Variants in UMODL1 observed in about 807,000 individuals in gnomAD.
The protein encoded by UMODL1 is uromodulin like 1.
In UMODL1, 128 loss-of-function variants were observed where a neutral mutation model predicts 136.3. The ratio of observed to expected loss-of-function variants is 0.94; its 90% CI spans 0.81 to 1.09. UMODL1 has a LOEUF of 1.09. UMODL1 is among the 50% of genes least tolerant of loss of function. The pLI is 0.00. For missense variants in UMODL1, 1,766 were observed against 1,725.6 expected, an observed-to-expected ratio of 1.02 and a Z score of -0.41; for synonymous variants, 721 against 720.0, an observed-to-expected ratio of 1.00 and a Z score of -0.02.
intron 5 of UMODL1, among the ~76,000 whole-genome samples, chr21:42,089,140 G>A: frequency 6.6e-6 from 1 of 152,136 alleles, no homozygotes; most frequent in East Asian, 1.9e-4. Context: ...TGCTGTTGTA[G>A]TAGTCACAGA....
chr21:42,079,746 C>T (rs1197527667), intron 2 of UMODL1, among the ~76,000 whole-genome samples: 1 of 152,192 alleles, frequency 6.6e-6, no homozygotes, highest in Non-Finnish European at 1.5e-5. Flanking sequence ...TAGGGGAGGC[C>T]CGCGCCTCCA....
Position 42,090,431 on chromosome 21 carries a change from G to A in UMODL1, c.924G>A (p.Glu308=). ...CGTCTCCACGGAAGCTGAACCTGGAGTGGGAAGGTAATGGCTAGGCTCTCT... is the reference window on the plus strand; with the variant it reads ...CGTCTCCACGGAAGCTGAACCTGGAATGGGAAGGTAATGGCTAGGCTCTCT... ...PATSPRKLNL[E]WEDCPPVSDY... Residue 308 remains glutamate (E), a synonymous_variant, in exon 6 of 23, where the codon GAG becomes GAA. Coordinates refer to ENST00000408910, the MANE Select transcript of UMODL1 (RefSeq NM_001004416.3). 1.9e-6 allele frequency: 3 copies of A among 1,613,964 alleles called. No homozygotes were observed. Among genetic ancestry groups the A allele is most frequent in the Non-Finnish European group, 2.5e-6 (3 of 1,179,946 alleles).
Position 42,121,744 on chromosome 21 carries a change from C to T in UMODL1, c.2827+520C>T, listed in dbSNP as rs140708239. Among the ~76,000 whole-genome samples the T allele has an allele frequency of 2.6e-3, 395 of 152,176 alleles. 1 individual carries two copies. The highest frequency in any genetic ancestry group is 9.0e-3 in the African/African-American group (372 of 41,516). ...CATTTATACCAGTGAGTGTGGTATC[C>T]GGGGGGCTATAGAACGTGTCCTGCT... is the stretch of plus-strand genomic sequence containing the variant. On this transcript the variant is annotated intron_variant, in intron 16 of 22. Coordinates refer to ENST00000408910, the MANE Select transcript of UMODL1 (RefSeq NM_001004416.3).
upstream of UMODL1, among the ~76,000 whole-genome samples, chr21:42,070,022 T>G (rs1239518230): frequency 6.6e-6 from 1 of 152,228 alleles, no homozygotes; most frequent in Non-Finnish European, 1.5e-5. Context: ...TGAGATCATT[T>G]CCAGCCTCCT....
At chr21:42,141,008 C>A (rs2067274973) in intron 22 of UMODL1, among the ~76,000 whole-genome samples, 1 of 152,238 alleles carries the variant, frequency 6.6e-6, no homozygotes, top group South Asian at 2.1e-4. Context: ...CCCGCCCCCT[C>A]TTCGTCAGGC....
At chr21:42,112,711 C>T (rs188009777) in intron 12 of UMODL1, among the ~76,000 whole-genome samples, 1 of 152,224 alleles carries the variant, frequency 6.6e-6, no homozygotes, top group Non-Finnish European at 1.5e-5. Flanking sequence ...TGTAGTTCCC[C>T]AGCTGTTCTT....
At chr21:42,083,269 C>A (rs1010805466) in intron 2 of UMODL1, among the ~76,000 whole-genome samples, 7 of 152,346 alleles carry the variant, frequency 4.6e-5, no homozygotes, top group African/African-American at 1.7e-4. Context: ...GTTCTTCCCG[C>A]AGCTTTCCCC....
intron 22 of UMODL1, among the ~76,000 whole-genome samples, 169 bp downstream of exon 22, chr21:42,137,810 G>A (rs1348704702): frequency 6.6e-6 from 1 of 151,492 alleles, no homozygotes; most frequent in Non-Finnish European, 1.5e-5. Flanking sequence ...AAGAAGGTGG[G>A]TGCGGAGTGG....
Position 42,137,758 on chromosome 21 carries a change from C to T in UMODL1, c.*21+117C>T, listed in dbSNP as rs145935406. 1.8e-3 allele frequency: 2,035 copies of T among 1,134,938 alleles called. 8 individuals are homozygous for T. The highest frequency in any genetic ancestry group is 1.9e-3 in the Non-Finnish European group (1,489 of 804,410). 70.3% of individuals were successfully genotyped at this position (1,134,938 alleles called of 1,614,324 possible). ...GAGTGGGGTGGGAGGTGTAGGCTGACAGGAAGGTGGGTGTGGAGTGGGGTA... is the reference window on the plus strand; with the variant it reads ...GAGTGGGGTGGGAGGTGTAGGCTGATAGGAAGGTGGGTGTGGAGTGGGGTA... On this transcript the variant is annotated intron_variant, in intron 22 of 22. Coordinates refer to ENST00000408910, the MANE Select transcript of UMODL1 (RefSeq NM_001004416.3).
intron 13 of UMODL1, among the ~76,000 whole-genome samples, chr21:42,114,512 G>T (rs1377024955): frequency 6.6e-6 from 1 of 151,954 alleles, no homozygotes; most frequent in Admixed American, 6.5e-5. Flanking sequence ...TGGTCTGCAC[G>T]GTGGGGCGCA....
chr21:42,082,195 G>A (rs1009285732), intron 2 of UMODL1, among the ~76,000 whole-genome samples: 2 of 152,194 alleles, frequency 1.3e-5, no homozygotes, highest in African/African-American at 4.8e-5. Context: ...GGCCAGCTGA[G>A]CAGTGTCCTT....
At chr21:42,077,797 T>G (rs907435007) in intron 2 of UMODL1, among the ~76,000 whole-genome samples, 52 of 152,168 alleles carry the variant, frequency 3.4e-4, no homozygotes, top group Admixed American at 7.9e-4. Context: ...AAAACAGGGT[T>G]AGTAAAAACA....
Position 42,088,323 on chromosome 21 carries a change from C to T in UMODL1, c.633C>T (p.Ser211=). The part of the protein sequence containing the change: ...LVTSALQPMA[S]TVHHLHSAPG... ...CCAGCGCCCTGCAACCAATGGCCTCCACCGTCCACCACCTGCACTCAGCCC... is the reference window on the plus strand; with the variant it reads ...CCAGCGCCCTGCAACCAATGGCCTCTACCGTCCACCACCTGCACTCAGCCC... Residue 211 remains serine (S), a synonymous_variant, in exon 5 of 23, where the codon TCC becomes TCT. Coordinates refer to ENST00000408910, the MANE Select transcript of UMODL1 (RefSeq NM_001004416.3). The T allele has an allele frequency of 6.2e-7, 1 of 1,613,570 alleles. No individual in the cohort carries two copies. The highest frequency in any genetic ancestry group is 8.5e-7 in the Non-Finnish European group (1 of 1,179,746).
At chr21:42,076,599 G>A (rs1411361952) in intron 2 of UMODL1, among the ~76,000 whole-genome samples, 1 of 152,198 alleles carries the variant, frequency 6.6e-6, no homozygotes, top group East Asian at 1.9e-4. Flanking sequence ...GAGAGTGTGA[G>A]GGAATTGGCC....
At chr21:42,098,656 T>TCTGCCCAGC (rs755249949) in intron 6 of UMODL1, among the ~76,000 whole-genome samples, 13 of 152,218 alleles carry the variant, frequency 8.5e-5, no homozygotes, top group Non-Finnish European at 1.8e-4. Context: ...TAATCCCAGC[T>TCTGCCCAGC]ACTCGGGAGG....
chr21:42,121,866 C>G (rs536019797), intron 16 of UMODL1, among the ~76,000 whole-genome samples: 8 of 152,250 alleles, frequency 5.3e-5, no homozygotes, highest in Admixed American at 1.3e-4. Context: ...TGAAGCTGGT[C>G]TTAATGGATA....
intron 21 of UMODL1, among the ~76,000 whole-genome samples, chr21:42,137,138 C>CGT (rs1368859930): frequency 6.6e-6 from 1 of 152,168 alleles, no homozygotes; most frequent in Non-Finnish European, 1.5e-5. Context: ...AGGCCCAACC[C>CGT]GTGTGTCCAT....
Position 42,111,614 on chromosome 21 carries a change from A to G in UMODL1, c.2008A>G (p.Asn670Asp). 6.2e-7 allele frequency: 1 copy of G among 1,614,100 alleles called. No individual in the cohort carries two copies. The highest frequency in any genetic ancestry group is 1.6e-4 in the Middle Eastern group (1 of 6,062). Residue 670 changes from asparagine (N) to aspartate (D), a missense_variant, in exon 12 of 23, where the codon AAT becomes GAT. Physicochemically the swap from Asn to Asp is conservative, Grantham distance 23. Transcript: ENST00000408910. ...CCGTTCCACCCGGGAAACACTTCTG[A>G]ATCCCACGTGGCTGCGAAATGAGGA... ...ATRSTRETLL[N>D]PTWLRNEDSG...
At chr21:42,111,967 G>T (rs2066837922) in intron 12 of UMODL1, among the ~76,000 whole-genome samples, 1 of 152,098 alleles carries the variant, frequency 6.6e-6, no homozygotes, top group African/African-American at 2.4e-5. Context: ...AGCAGCTGGG[G>T]CGGAGGTCTG....
Sources: gnomAD v4.1 joint callset for allele counts (sites outside exome capture counted in the v4.1 genomes callset) on GRCh38, gnomAD v4.1.1 for gene constraint, MANE v1.5 for transcripts, NCBI Gene and HGNC (gene_info 2026-07-23, HGNC 2026-07-21) for gene names.